DGKH: variants seen among roughly 807,000 people sequenced by gnomAD.
The protein encoded by DGKH is diacylglycerol kinase eta.
In DGKH, 90 loss-of-function variants were observed where a neutral mutation model predicts 159.3. The observed-to-expected ratio is 0.57, with a 90% confidence interval of 0.48 to 0.67. DGKH has a LOEUF of 0.67. Ranked by LOEUF, DGKH falls within the 30% of genes least tolerant of loss-of-function variation. The pLI, the probability that DGKH is intolerant of heterozygous loss-of-function variation, is 0.00. For missense variants in DGKH, 1,181 were observed against 1,506.1 expected (o/e 0.78, Z 3.57); for synonymous variants, 536 against 553.8 (o/e 0.97, Z 0.45).
chr13:42,205,554 T>A (rs1566189845), intron 20 of DGKH, among the ~76,000 whole-genome samples: 2 of 152,204 alleles, frequency 1.3e-5, no homozygotes, highest in Non-Finnish European at 2.9e-5. Context: ...TTGACTTTGG[T>A]TCTGACTTGT....
chr13:42,042,125 AG>A (rs1880550572), intron 1 of DGKH, among the ~76,000 whole-genome samples: 1 of 152,234 alleles, frequency 6.6e-6, no homozygotes, highest in African/African-American at 2.4e-5. Context: ...ACATGTCGTC[AG>A]GTTGCCCATC....
At chr13:42,255,870 T>G (rs1282338485) in intron 30 of DGKH, 1 of 1,055,832 alleles carries the variant, frequency 9.5e-7, no homozygotes, top group Admixed American at 2.4e-5. Flanking sequence ...AAGAGACTGA[T>G]AGAGAAGGTT....
chr13:42,228,552 G>T (rs188277672), intron 29 of DGKH, among the ~76,000 whole-genome samples: 78 of 152,068 alleles, frequency 5.1e-4, no homozygotes, highest in Non-Finnish European at 9.7e-4. Context: ...AATTGTGGGT[G>T]CCCTGCTGTC....
intron 16 of DGKH, among the ~76,000 whole-genome samples, chr13:42,194,679 A>G (rs1477776696): frequency 6.6e-6 from 1 of 152,158 alleles, no homozygotes; most frequent in Non-Finnish European, 1.5e-5. Context: ...TCTATTTTCT[A>G]CTGATATTCA....
intron 26 of DGKH, 79 bp from the exon 27 acceptor site, chr13:42,219,151 C>G (rs561045623): frequency 5.1e-6 from 8 of 1,557,440 alleles, no homozygotes; most frequent in Non-Finnish European, 7.0e-6. Flanking sequence ...TGTTCACTGT[C>G]AAAGTACAAT....
At chr13:42,120,880 A>AT (rs1955054766) in intron 1 of DGKH, among the ~76,000 whole-genome samples, 1 of 152,104 alleles carries the variant, frequency 6.6e-6, no homozygotes, top group Non-Finnish European at 1.5e-5. Flanking sequence ...CTTTCAACAG[A>AT]TTCTGAAAAG....
chr13:42,079,239 A>T (rs1954154890), intron 1 of DGKH, among the ~76,000 whole-genome samples: 1 of 152,108 alleles, frequency 6.6e-6, no homozygotes, highest in Non-Finnish European at 1.5e-5. Flanking sequence ...CTTTAAAAAT[A>T]TATGTACAAA....
chr13:42,223,109 T>TG (rs1555279608), intron 29 of DGKH, among the ~76,000 whole-genome samples: 4 of 152,126 alleles, frequency 2.6e-5, no homozygotes, highest in African/African-American at 9.7e-5. Flanking sequence ...AAACAAGATG[T>TG]GGGGGGTGGA....
chr13:42,118,583 G>T (rs1955006455), intron 1 of DGKH, among the ~76,000 whole-genome samples: 1 of 152,244 alleles, frequency 6.6e-6, no homozygotes, highest in Non-Finnish European at 1.5e-5. Flanking sequence ...GAGACCCGAA[G>T]GTGGGAGTGG....
At chr13:42,188,320 C>T (rs991927151) in intron 14 of DGKH, among the ~76,000 whole-genome samples, 2 of 152,188 alleles carry the variant, frequency 1.3e-5, no homozygotes, top group Non-Finnish European at 2.9e-5. Flanking sequence ...CTTCACCTCT[C>T]GTAATACAAG....
chr13:42,045,386 C>T (rs545160550), upstream of DGKH, among the ~76,000 whole-genome samples: 2 of 152,006 alleles, frequency 1.3e-5, no homozygotes, highest in South Asian at 4.2e-4. Flanking sequence ...CTATCCAGGT[C>T]GAAAGGAAAA....
At chr13:42,176,653 G>T (rs1956611485) in intron 12 of DGKH, among the ~76,000 whole-genome samples, 1 of 152,210 alleles carries the variant, frequency 6.6e-6, no homozygotes, top group African/African-American at 2.4e-5. Context: ...GGAAAGCTTT[G>T]TGGGGAAGGC....
chr13:42,133,696 TAAAAC>T (rs757092526), intron 3 of DGKH, among the ~76,000 whole-genome samples: 4 of 152,060 alleles, frequency 2.6e-5, no homozygotes, highest in Admixed American at 2.0e-4. Flanking sequence ...TCCCTGTCTC[TAAAAC>T]AAAACAAAAC....
chr13:42,100,555 C>T (rs560192175), intron 1 of DGKH, among the ~76,000 whole-genome samples: 7 of 152,104 alleles, frequency 4.6e-5, no homozygotes, highest in South Asian at 2.1e-4. Context: ...TAACTGGTGC[C>T]GCCATGGTAG....
At chr13:42,110,656 A>G (rs1259274364) in intron 1 of DGKH, among the ~76,000 whole-genome samples, 1 of 151,436 alleles carries the variant, frequency 6.6e-6, no homozygotes, top group Non-Finnish European at 1.5e-5. Context: ...ACATTCAGGC[A>G]TTTACCAGTT....
intron 1 of DGKH, among the ~76,000 whole-genome samples, chr13:42,049,826 A>G (rs1268603831): frequency 6.6e-6 from 1 of 152,228 alleles, no homozygotes; most frequent in African/African-American, 2.4e-5. Flanking sequence ...TGAACATACC[A>G]AAGCAAATGC....
chr13:42,170,621 A>G (rs140644043), intron 11 of DGKH, among the ~76,000 whole-genome samples: 30 of 152,176 alleles, frequency 2.0e-4, no homozygotes, highest in Non-Finnish European at 3.8e-4. Context: ...TTTTATTCCT[A>G]TGTTTCCTTT....
intron 3 of DGKH, among the ~76,000 whole-genome samples, chr13:42,143,929 A>G (rs988550583): frequency 6.6e-6 from 1 of 151,856 alleles, no homozygotes; most frequent in Admixed American, 6.6e-5. Context: ...AGTTATTTCT[A>G]ACATCACAAT....
chr13:42,208,136 A>G (rs547178831), intron 21 of DGKH, among the ~76,000 whole-genome samples: 2 of 152,300 alleles, frequency 1.3e-5, no homozygotes, highest in Non-Finnish European at 2.9e-5. Context: ...TAGCAGAGAC[A>G]GGGTTTAAAT....
Sources: gnomAD v4.1 joint callset for allele counts (sites outside exome capture counted in the v4.1 genomes callset) on GRCh38, gnomAD v4.1.1 for gene constraint, MANE v1.5 for transcripts, NCBI Gene and HGNC (gene_info 2026-07-23, HGNC 2026-07-21) for gene names.